The following SEPTIN9 variants were observed in gnomAD, a reference collection of about 807,000 sequenced individuals.
SEPTIN9 encodes septin 9.
SEPTIN9 carries 13 observed loss-of-function variants against 56.6 expected under a neutral mutation model. The ratio of observed to expected loss-of-function variants is 0.23; its 90% CI spans 0.15 to 0.37. SEPTIN9 has a LOEUF of 0.37. Among genes scored for constraint, SEPTIN9 ranks in the 10% least tolerant of loss-of-function variants. The pLI, the probability that SEPTIN9 is intolerant of heterozygous loss-of-function variation, is 1.00. For missense variants in SEPTIN9, 650 were observed against 823.1 expected (o/e 0.79, Z 2.57); for synonymous variants, 332 against 334.1 (o/e 0.99, Z 0.07).
At chr17:77,479,351 T>C (rs906173630) in intron 3 of SEPTIN9, among the ~76,000 whole-genome samples, 1 of 152,182 alleles carries the variant, frequency 6.6e-6, no homozygotes, top group African/African-American at 2.4e-5. Flanking sequence ...CTTTTCCCAC[T>C]TGGGAGTCCT....
intron 1 of SEPTIN9, among the ~76,000 whole-genome samples, chr17:77,300,860 G>T (rs570822422): frequency 6.1e-5 from 1 of 16,504 alleles, no homozygotes; most frequent in Non-Finnish European, 1.1e-4. Flanking sequence ...GGCTCAAACC[G>T]CCCCCATCCC....
intron 3 of SEPTIN9, among the ~76,000 whole-genome samples, chr17:77,431,329 A>G (rs371081768): frequency 8.7e-4 from 133 of 152,348 alleles, no homozygotes; most frequent in African/African-American, 3.1e-3. Context: ...AACACAAACA[A>G]AAAACCAACG....
intron 5 of SEPTIN9, among the ~76,000 whole-genome samples, chr17:77,488,004 A>T (rs552623819): frequency 4.5e-4 from 69 of 152,314 alleles, no homozygotes; most frequent in African/African-American, 1.6e-3. Flanking sequence ...GGGCCCCGTC[A>T]CACTGAGCTC....
At chr17:77,288,809 G>A (rs2031395574) in intron 1 of SEPTIN9, among the ~76,000 whole-genome samples, 1 of 152,238 alleles carries the variant, frequency 6.6e-6, no homozygotes, top group African/African-American at 2.4e-5. Flanking sequence ...GGGCTGTCGG[G>A]TTATTGCTGG....
In SEPTIN9 at chr17:77,436,829, G is replaced by C. The variant is rs2037358887; in HGVS notation, c.721+34126G>C. Among the ~76,000 whole-genome samples the C allele has an allele frequency of 6.6e-6, 1 of 152,214 alleles. No homozygotes were observed. The highest frequency in any genetic ancestry group is 2.1e-4 in the South Asian group (1 of 4,834). ...GTAAGGACACCCAGGAGAGGGCCAG[G>C]GTGCCTGTATTTGGGGCACAGCATA... On this transcript the variant is annotated intron_variant, in intron 3 of 11. Transcript: ENST00000427177. The surrounding 1 kb of genome is among the most constrained non-coding windows in gnomAD (Gnocchi z 4.4).
chr17:77,325,922 T>C (rs141500009), intron 2 of SEPTIN9, among the ~76,000 whole-genome samples: 4 of 152,230 alleles, frequency 2.6e-5, no homozygotes, highest in African/African-American at 9.6e-5. Flanking sequence ...AAGCTTCCCT[T>C]GGGGCTCTCC....
intron 2 of SEPTIN9, chr17:77,376,099 C>T (rs1054153238): frequency 1.2e-5 from 12 of 986,078 alleles, no homozygotes; most frequent in East Asian, 1.1e-4. Flanking sequence ...ATGGAGGAGG[C>T]GGACCTTGAG....
intron 2 of SEPTIN9, among the ~76,000 whole-genome samples, chr17:77,401,808 C>T (rs1033514121): frequency 2.0e-5 from 3 of 152,126 alleles, no homozygotes; most frequent in African/African-American, 4.8e-5. Flanking sequence ...GTGTGGTTTG[C>T]GCCGTGGCCA....
chr17:77,298,370 G>A (rs1159311879), intron 1 of SEPTIN9, among the ~76,000 whole-genome samples: 1 of 152,216 alleles, frequency 6.6e-6, no homozygotes, highest in Non-Finnish European at 1.5e-5. Flanking sequence ...CCAGTGTACT[G>A]GACTCTTTAG....
intron 3 of SEPTIN9, among the ~76,000 whole-genome samples, chr17:77,459,265 C>G (rs2038352227): frequency 6.6e-6 from 1 of 152,248 alleles, no homozygotes; most frequent in Non-Finnish European, 1.5e-5. Flanking sequence ...TAGCCGTTGA[C>G]CTGAACTGCC....
chr17:77,466,981 A>C (rs1222267042), intron 3 of SEPTIN9, among the ~76,000 whole-genome samples: 1 of 152,130 alleles, frequency 6.6e-6, no homozygotes, highest in African/African-American at 2.4e-5. Flanking sequence ...GGTCTGGTAC[A>C]TTAGAGGACT....
chr17:77,466,676 T>C, intron 3 of SEPTIN9: 5 of 657,374 alleles, frequency 7.6e-6, no homozygotes, highest in Non-Finnish European at 9.4e-6. Flanking sequence ...TGGGAGACCC[T>C]GGGGGCTCCC....
chr17:77,461,629 A>C (rs1297551645), intron 3 of SEPTIN9, among the ~76,000 whole-genome samples: 1 of 152,258 alleles, frequency 6.6e-6, no homozygotes, highest in African/African-American at 2.4e-5. Context: ...TGACCTTTTT[A>C]AAATCTACAG....
chr17:77,464,337 C>T (rs2144519143), intron 3 of SEPTIN9, among the ~76,000 whole-genome samples: 1 of 152,296 alleles, frequency 6.6e-6, no homozygotes, highest in African/African-American at 2.4e-5. Flanking sequence ...GTCGGCTTCC[C>T]AAAGCGCTGG....
In SEPTIN9 at chr17:77,492,832, C is replaced by T; in HGVS notation, c.1476+116C>T. ...ATTATATTCTTGGGGCCAGAGGGCACTGAGCCCAGGTGTCTGTACCCAGTG... is the reference window on the plus strand; with the variant it reads ...ATTATATTCTTGGGGCCAGAGGGCATTGAGCCCAGGTGTCTGTACCCAGTG... On this transcript the variant is annotated intron_variant, in intron 9 of 11. Transcript: ENST00000427177. The surrounding 1 kb of genome is among the most constrained non-coding windows in gnomAD (Gnocchi z 5.4). The T allele has an allele frequency of 8.1e-7, 1 of 1,234,516 alleles. No homozygotes were observed. The highest frequency in any genetic ancestry group is 1.9e-4 in the Middle Eastern group (1 of 5,288). The allele number at this position is 1,234,516 out of a possible 1,614,324, so 76.5% of individuals were successfully genotyped here.
intron 4 of SEPTIN9, among the ~76,000 whole-genome samples, chr17:77,485,024 ATGG>A (rs1400934783): frequency 0.012 from 103 of 8,860 alleles, no homozygotes; most frequent in East Asian, 0.049. Flanking sequence ...GGTGATTGTG[ATGG>A]TGGTGAAGGG....
chr17:77,495,943 C>T (rs556608989), intron 10 of SEPTIN9, among the ~76,000 whole-genome samples: 10 of 152,232 alleles, frequency 6.6e-5, no homozygotes, highest in Admixed American at 3.3e-4. Flanking sequence ...TTCTGCATCC[C>T]GCTCCAGCCT....
chr17:77,459,760 G>A (rs931326670), intron 3 of SEPTIN9, among the ~76,000 whole-genome samples: 2 of 151,848 alleles, frequency 1.3e-5, no homozygotes, highest in Admixed American at 1.3e-4. Flanking sequence ...AGGCTGGAGT[G>A]CAGTGGCACA....
At chr17:77,296,969 T>G (rs945797702) in intron 1 of SEPTIN9, among the ~76,000 whole-genome samples, 1 of 152,102 alleles carries the variant, frequency 6.6e-6, no homozygotes, top group Admixed American at 6.5e-5. Flanking sequence ...CAGGCAGACA[T>G]AGATACATTG....
Sources: gnomAD v4.1 joint callset for allele counts (sites outside exome capture counted in the v4.1 genomes callset) on GRCh38, gnomAD v4.1.1 for gene constraint, Gnocchi (gnomAD v3.1) non-coding constraint, MANE v1.5 for transcripts, NCBI Gene and HGNC (gene_info 2026-07-23, HGNC 2026-07-21) for gene names.